CNMD: variants seen among roughly 807,000 people sequenced by gnomAD.
The protein encoded by CNMD is leukocyte cell-derived chemotaxin 1.
In CNMD, 30 loss-of-function variants were observed where a neutral mutation model predicts 37.5. The observed-to-expected ratio is 0.80, with a 90% CI of 0.60 to 1.09. CNMD has a LOEUF of 1.09. Among genes scored for constraint, CNMD ranks in the 50% least tolerant of loss-of-function variants. The pLI is 0.00. For missense variants in CNMD, 398 were observed against 423.9 expected (o/e 0.94, Z 0.54); for synonymous variants, 167 against 148.2 (o/e 1.13, Z -0.92).
intron 4 of CNMD, among the ~76,000 whole-genome samples, chr13:52,720,434 A>G (rs778374386): frequency 6.6e-6 from 1 of 152,092 alleles, no homozygotes; most frequent in Non-Finnish European, 1.5e-5. Flanking sequence ...TGGAATTTTC[A>G]GCCTTTTTGC....
intron 5 of CNMD, among the ~76,000 whole-genome samples, chr13:52,710,042 A>AAT (rs1405614705): frequency 6.6e-6 from 1 of 152,204 alleles, no homozygotes; most frequent in Admixed American, 6.5e-5. Context: ...TATCTGTAAA[A>AAT]TGGGGATAAT....
Position 52,703,782 on chromosome 13 carries a change from T to C in CNMD, c.818A>G (p.Asp273Gly), listed in dbSNP as rs1964129829. The change falls in exon 7 of 7, where the codon GAC (aspartate) becomes GGC (glycine). Residue 273 changes from aspartate (D) to glycine (G), a missense_variant. Coordinates refer to ENST00000377962, the MANE Select transcript of CNMD (RefSeq NM_007015.3). ...GATTCCTTCGTGATCCAGTCTAGGG[T>C]CGAATGTCATGCTTTCCCCTTCCTG... The part of the protein sequence containing the change: ...HQQEGESMTF[D>G]PRLDHEGICC... 1 of 1,612,972 alleles carries C rather than the reference T, an allele frequency of 6.2e-7. No homozygotes were observed. The highest frequency in any genetic ancestry group is 1.3e-5 in the African/African-American group (1 of 74,902).
intron 3 of CNMD, among the ~76,000 whole-genome samples, chr13:52,727,489 C>T (rs1964594007): frequency 6.6e-6 from 1 of 152,066 alleles, no homozygotes; most frequent in African/African-American, 2.4e-5. Context: ...TGGTGAGACC[C>T]CATTTCTACA....
At chr13:52,718,681 A>C (rs993533333) in intron 4 of CNMD, among the ~76,000 whole-genome samples, 1 of 152,076 alleles carries the variant, frequency 6.6e-6, no homozygotes, top group East Asian at 1.9e-4. Flanking sequence ...CTGAGTTCTA[A>C]TTTGATTGTA....
Position 52,739,355 on chromosome 13 carries a change from G to T in CNMD, c.73-184C>A. 1 of 750,170 alleles carries T rather than the reference G, an allele frequency of 1.3e-6. No individual in the cohort carries two copies. The allele number at this position is 750,170 out of a possible 1,614,324, so 46.5% of individuals were successfully genotyped here. ...TCCCGAGGGTCCTTTGCAGTCGGGC[G>T]TGGAAGTGGGATGAGCAAACCCCGC... On this transcript the variant is annotated intron_variant, in intron 1 of 6. Transcript: ENST00000377962. This position sits in a 1 kb window ranked among gnomAD's most constrained non-coding sequence, Gnocchi z 5.4.
In CNMD at chr13:52,703,661, G is replaced by A. The variant is rs1964123981; in HGVS notation, c.939C>T (p.Cys313=). 2 of 1,614,110 alleles carry A rather than the reference G, an allele frequency of 1.2e-6. No individual in the cohort carries two copies. The highest frequency in any genetic ancestry group is 1.7e-5 in the Admixed American group (1 of 60,016). ...YYPWPYNYQG[C]RSACRVIMPC... is the part of the protein sequence containing the mutation. The stretch of plus-strand genomic sequence containing the variant: ...GCATGATGACTCTGCAGGCCGAACG[G>A]CAGCCTTGATAATTATAAGGCCATG... Residue 313 remains cysteine, a synonymous_variant, in exon 7 of 7, where the codon TGC becomes TGT. Coordinates refer to ENST00000377962, the MANE Select transcript of CNMD (RefSeq NM_007015.3).
At chr13:52,724,341 A>G (rs1376255886) in intron 3 of CNMD, among the ~76,000 whole-genome samples, 2 of 147,760 alleles carry the variant, frequency 1.4e-5, no homozygotes, top group African/African-American at 5.0e-5. Flanking sequence ...TGGGAGGCCA[A>G]GGCAGGCAGA....
chr13:52,732,328 T>C (rs913960424), intron 3 of CNMD, among the ~76,000 whole-genome samples: 3 of 152,122 alleles, frequency 2.0e-5, no homozygotes, highest in Non-Finnish European at 2.9e-5. Flanking sequence ...TAGTAAAACA[T>C]GAAAGAGCAT....
chr13:52,703,670 A>C lies in CNMD; in HGVS notation c.930T>G (p.Tyr310Ter), dbSNP rs772453490. Residue 310 changes from tyrosine (Y) to a stop codon, truncating the protein, a stop_gained, in exon 7 of 7, where the codon TAT (tyrosine) becomes TAG (stop). Coordinates refer to ENST00000377962, the MANE Select transcript of CNMD (RefSeq NM_007015.3). LOFTEE classifies it high-confidence loss of function. ...LGGYYPWPYNYQGCRSACRVI... is the reference protein window; with the variant it reads ...LGGYYPWPYN ...CTCTGCAGGCCGAACGGCAGCCTTGATAATTATAAGGCCATGGGTAATAGC... is the reference window on the plus strand; with the variant it reads ...CTCTGCAGGCCGAACGGCAGCCTTGCTAATTATAAGGCCATGGGTAATAGC... 7.7e-5 allele frequency: 125 copies of C among 1,614,192 alleles called. 2 individuals carry two copies. In the South Asian group the frequency reaches 1.3e-3, roughly 17 times the overall value.
chr13:52,722,053 G>A (rs1236246532), intron 4 of CNMD, among the ~76,000 whole-genome samples: 1 of 151,978 alleles, frequency 6.6e-6, no homozygotes, highest in Non-Finnish European at 1.5e-5. Flanking sequence ...AGGAGGTCTT[G>A]GTCCCATTTT....
chr13:52,739,115 T>C lies in CNMD; in HGVS notation c.129A>G (p.Gly43=). The part of the protein sequence containing the change: ...PSSPARLLKV[G]AVVLISGAVL... Reference sequence around the variant, plus strand: ...CAGCTCCCGAAATGAGGACCACGGCTCCCACCTTGAGCAGCCGCGCGGGGC... The same window carrying C: ...CAGCTCCCGAAATGAGGACCACGGCCCCCACCTTGAGCAGCCGCGCGGGGC... The change falls in exon 2 of 7, where the codon GGA becomes GGG. Residue 43 remains glycine (G), a synonymous_variant. Transcript: ENST00000377962. The surrounding 1 kb of genome is among the most constrained non-coding windows in gnomAD (Gnocchi z 5.4). The C allele has an allele frequency of 1.9e-6, 3 of 1,560,934 alleles. No individual in the cohort carries two copies. Among genetic ancestry groups the C allele is most frequent in the Admixed American group, 1.9e-5 (1 of 51,458 alleles).
At chr13:52,711,415 C>T (rs1964287804) in intron 5 of CNMD, among the ~76,000 whole-genome samples, 1 of 152,196 alleles carries the variant, frequency 6.6e-6, no homozygotes, top group Non-Finnish European at 1.5e-5. Context: ...GGAATGGCAA[C>T]AGCACAGCCC....
chr13:52,739,582 TACTC>T lies in CNMD; in HGVS notation c.72+44_72+47del, dbSNP rs774815792. Reference sequence around the variant, plus strand: ...CCTGAGTCCGAACTGTGGAACCTGATACTCACACAACCCAGGCCCTGCGTGTGGA... The same window carrying T: ...CCTGAGTCCGAACTGTGGAACCTGATACACAACCCAGGCCCTGCGTGTGGA... On this transcript the variant is annotated intron_variant, in intron 1 of 6. Coordinates refer to ENST00000377962, the MANE Select transcript of CNMD (RefSeq NM_007015.3). The surrounding 1 kb of genome is among the most constrained non-coding windows in gnomAD (Gnocchi z 5.4). 8 of 1,524,568 alleles carry T rather than the reference TACTC, an allele frequency of 5.2e-6. No individual in the cohort carries two copies. The highest frequency in any genetic ancestry group is 1.4e-5 in the African/African-American group (1 of 73,314). 94.4% of individuals were successfully genotyped at this position (1,524,568 alleles called of 1,614,324 possible).
intron 2 of CNMD, among the ~76,000 whole-genome samples, chr13:52,735,245 G>C (rs1471840363): frequency 6.6e-6 from 1 of 152,138 alleles, no homozygotes; most frequent in Non-Finnish European, 1.5e-5. Context: ...TGGAAAGAAG[G>C]CTCTGTTCTG....
At chr13:52,737,083 A>G (rs1964781251) in intron 2 of CNMD, among the ~76,000 whole-genome samples, 1 of 152,148 alleles carries the variant, frequency 6.6e-6, no homozygotes, top group Non-Finnish European at 1.5e-5. Context: ...CTATAAACCA[A>G]TATAGAGGAG....
At chr13:52,735,143 T>C (rs1964734841) in intron 2 of CNMD, among the ~76,000 whole-genome samples, 1 of 152,210 alleles carries the variant, frequency 6.6e-6, no homozygotes, top group Non-Finnish European at 1.5e-5. Context: ...CACCAGTCTC[T>C]TTTCCCCTTT....
intron 4 of CNMD, among the ~76,000 whole-genome samples, chr13:52,723,484 A>G (rs1056125436): frequency 6.6e-6 from 1 of 152,196 alleles, no homozygotes; most frequent in Non-Finnish European, 1.5e-5. Context: ...GCACTTTAAA[A>G]TGTGGCTTCC....
chr13:52,739,687 G>T lies in CNMD; in HGVS notation c.15C>A (p.Ser5=), dbSNP rs769726014. ...CCACCAGGGCAATGGGAACTTTGTC[G>T]GAGTTCTCTGTCATGTTTGCGGCGG... MTEN[S]DKVPIALVGP... is the part of the protein sequence containing the mutation. The change falls in exon 1 of 7, where the codon TCC becomes TCA. Residue 5 remains serine (S), a synonymous_variant. Transcript: ENST00000377962. The surrounding 1 kb of genome is among the most constrained non-coding windows in gnomAD (Gnocchi z 5.4). 8 of 1,614,134 alleles carry T rather than the reference G, an allele frequency of 5.0e-6. No individual in the cohort carries two copies. The Middle Eastern group carries it at 9.9e-4, about 200-fold the overall frequency.
chr13:52,739,691 TTC>T lies in CNMD; in HGVS notation c.9_10del (p.Asn4LeufsTer12), dbSNP rs760855117. The stretch of plus-strand genomic sequence containing the variant: ...CAGGGCAATGGGAACTTTGTCGGAG[TTC>T]TCTGTCATGTTTGCGGCGGGAGGAG... On this transcript the variant is annotated frameshift_variant, in exon 1 of 7. Coordinates refer to ENST00000377962, the MANE Select transcript of CNMD (RefSeq NM_007015.3). LOFTEE classifies it high-confidence loss of function. This position sits in a 1 kb window ranked among gnomAD's most constrained non-coding sequence, Gnocchi z 5.4. The T allele has an allele frequency of 1.2e-6, 2 of 1,613,870 alleles. No individual in the cohort carries two copies. Among genetic ancestry groups the T allele is most frequent in the South Asian group, 2.2e-5 (2 of 91,064 alleles).
Sources: gnomAD v4.1 joint callset for allele counts (sites outside exome capture counted in the v4.1 genomes callset) on GRCh38, gnomAD v4.1.1 for gene constraint, Gnocchi (gnomAD v3.1) non-coding constraint, MANE v1.5 for transcripts, NCBI Gene and HGNC (gene_info 2026-07-23, HGNC 2026-07-21) for gene names.